Variants in TTC28 observed in about 807,000 individuals in gnomAD.
TTC28 encodes tetratricopeptide repeat domain 28.
A neutral mutation model predicts 198.0 loss-of-function variants in TTC28; 61 were observed. The observed-to-expected ratio is 0.31, with a 90% CI of 0.25 to 0.38. TTC28 has a LOEUF of 0.38. Ranked by LOEUF, TTC28 falls within the 10% of genes least tolerant of loss-of-function variation. The pLI, the probability that TTC28 is intolerant of heterozygous loss-of-function variation, is 1.00. For synonymous variants in TTC28, 1,171 were observed against 1,297.8 expected (o/e 0.90, Z 2.10); for missense variants, 2,678 against 3,164.0 (o/e 0.85, Z 3.69).
intron 2 of TTC28, among the ~76,000 whole-genome samples, chr22:28,360,434 C>T (rs1289341935): frequency 6.6e-6 from 1 of 152,102 alleles, no homozygotes; most frequent in Non-Finnish European, 1.5e-5. Context: ...TATTTTTACA[C>T]AAATTTAATA....
intron 2 of TTC28, among the ~76,000 whole-genome samples, chr22:28,464,211 C>G (rs929895364): frequency 6.6e-6 from 1 of 152,134 alleles, no homozygotes; most frequent in South Asian, 2.1e-4. Context: ...AAGTTCCCTC[C>G]TAATGAAGTC....
rs777723155 is a variant in TTC28 at position 27,982,135 on chromosome 22, G to T, written c.*86C>A. ...GCATCATGAGGGTGCTGGTGGCTGT[G>T]GGGGGACTGCACTCAGGGAAGGGCT... is the stretch of plus-strand genomic sequence containing the variant. On this transcript the variant is annotated 3_prime_UTR_variant, in exon 23 of 23. Coordinates refer to ENST00000397906, the MANE Select transcript of TTC28 (RefSeq NM_001145418.2). This position sits in a 1 kb window ranked among gnomAD's most constrained non-coding sequence, Gnocchi z 5.2. The T allele has an allele frequency of 1.2e-5, 16 of 1,328,562 alleles. No homozygotes were observed. In the Admixed American group the frequency reaches 1.5e-4, roughly 12 times the overall value. The allele number at this position is 1,328,562 out of a possible 1,614,324, so 82.3% of individuals were successfully genotyped here. A position where few individuals can be genotyped will look rare whatever the true frequency, so the allele number is the denominator to read the frequency against.
chr22:28,316,014 T>G (rs1487760638), intron 2 of TTC28, among the ~76,000 whole-genome samples: 5 of 152,230 alleles, frequency 3.3e-5, no homozygotes, highest in Admixed American at 3.3e-4. Flanking sequence ...CTTATTTGCA[T>G]AAGGCACAAA....
At chr22:28,372,809 T>A (rs997923024) in intron 2 of TTC28, among the ~76,000 whole-genome samples, 1 of 152,110 alleles carries the variant, frequency 6.6e-6, no homozygotes, top group African/African-American at 2.4e-5. Flanking sequence ...AACACCGAAG[T>A]CAGGAGAATG....
intron 13 of TTC28, among the ~76,000 whole-genome samples, chr22:28,027,985 C>T (rs942997019): frequency 2.0e-5 from 3 of 152,260 alleles, no homozygotes; most frequent in African/African-American, 7.2e-5. Context: ...TCAGCTGTAG[C>T]TCCACTCTCT....
At chr22:28,629,370 A>G (rs1220356776) in intron 2 of TTC28, 182 bp downstream of exon 2, 15 of 598,398 alleles carry the variant, frequency 2.5e-5, no homozygotes, top group Non-Finnish European at 3.9e-5. Context: ...AAAGCATGCT[A>G]CAAAAAAACA....
intron 2 of TTC28, among the ~76,000 whole-genome samples, chr22:28,444,977 T>C (rs1469933059): frequency 6.6e-6 from 1 of 152,218 alleles, no homozygotes; most frequent in Non-Finnish European, 1.5e-5. Context: ...GATATGCTAC[T>C]AGCACAGAAA....
At chr22:28,373,798 A>G (rs1174132512) in intron 2 of TTC28, among the ~76,000 whole-genome samples, 2 of 120,120 alleles carry the variant, frequency 1.7e-5, no homozygotes. Flanking sequence ...AGGATACTAC[A>G]GTATAGGCAA....
intron 10 of TTC28, 100 bp downstream of exon 10, chr22:28,098,815 A>G: frequency 1.4e-6 from 2 of 1,406,356 alleles, no homozygotes; most frequent in Non-Finnish European, 1.9e-6. Flanking sequence ...ACAACAAATC[A>G]TATTTCTTCA....
intron 1 of TTC28, among the ~76,000 whole-genome samples, chr22:28,661,769 G>A (rs1355282369): frequency 6.6e-6 from 1 of 152,102 alleles, no homozygotes; most frequent in Non-Finnish European, 1.5e-5. Context: ...ACCACACCCA[G>A]CTAATTTTTG....
rs1409539529 is a variant in TTC28 at position 28,256,136 on chromosome 22, T to C, written c.933+40062A>G. ...AGGCCTTTTAAAAAAAAAAAAATAG[T>C]AGAGGATGGGTGTGGCGGCTCATGC... is the stretch of plus-strand genomic sequence containing the variant. On this transcript the variant is annotated intron_variant, in intron 5 of 22. Transcript: ENST00000397906. 2.0e-5 allele frequency among the ~76,000 whole-genome samples: 3 copies of C among 147,282 alleles called. No individual in the cohort carries two copies. In the East Asian group the frequency reaches 6.0e-4, roughly 29 times the overall value.
chr22:28,453,000 T>A (rs1449612968), intron 2 of TTC28, among the ~76,000 whole-genome samples: 5 of 152,196 alleles, frequency 3.3e-5, no homozygotes, highest in Non-Finnish European at 7.3e-5. Context: ...GAGGATCTCA[T>A]GGGGTATCCT....
intron 2 of TTC28, among the ~76,000 whole-genome samples, chr22:28,588,165 C>T (rs1351811883): frequency 6.7e-6 from 1 of 150,164 alleles, no homozygotes; most frequent in Non-Finnish European, 1.5e-5. Context: ...AACAAACAAA[C>T]AAACAAAAAA....
intron 2 of TTC28, among the ~76,000 whole-genome samples, chr22:28,336,924 G>A (rs1340912152): frequency 6.6e-6 from 1 of 152,056 alleles, no homozygotes; most frequent in African/African-American, 2.4e-5. Context: ...TCTTTTAATT[G>A]TGATGTTAGG....
At chr22:28,600,459 T>A (rs1190754431) in intron 2 of TTC28, among the ~76,000 whole-genome samples, 1 of 152,080 alleles carries the variant, frequency 6.6e-6, no homozygotes, top group East Asian at 1.9e-4. Context: ...AATGCATGCA[T>A]TAAATACAAC....
chr22:28,594,889 C>T (rs2050511592), intron 2 of TTC28, among the ~76,000 whole-genome samples: 1 of 152,156 alleles, frequency 6.6e-6, no homozygotes, highest in Non-Finnish European at 1.5e-5. Flanking sequence ...CATGCCTAAG[C>T]ACACAATCTT....
intron 2 of TTC28, among the ~76,000 whole-genome samples, chr22:28,419,544 TCTTA>T (rs1320492219): frequency 1.3e-5 from 2 of 152,230 alleles, no homozygotes; most frequent in African/African-American, 4.8e-5. Flanking sequence ...TTTAGTATTT[TCTTA>T]CTGAGGGCAT....
chr22:28,416,871 G>A (rs1412936202), intron 2 of TTC28, among the ~76,000 whole-genome samples: 3 of 152,112 alleles, frequency 2.0e-5, no homozygotes, highest in Non-Finnish European at 2.9e-5. Flanking sequence ...TTTAATCAAC[G>A]AATATTCACT....
At chr22:28,573,848 C>T (rs1192768822) in intron 2 of TTC28, among the ~76,000 whole-genome samples, 2 of 151,850 alleles carry the variant, frequency 1.3e-5, no homozygotes, top group Admixed American at 1.3e-4. Context: ...TCCCCCCACC[C>T]CCACTACCTT....
Sources: gnomAD v4.1 joint callset for allele counts (sites outside exome capture counted in the v4.1 genomes callset) on GRCh38, gnomAD v4.1.1 for gene constraint, Gnocchi (gnomAD v3.1) non-coding constraint, MANE v1.5 for transcripts, NCBI Gene and HGNC (gene_info 2026-07-23, HGNC 2026-07-21) for gene names.